PRDM2: variants seen among roughly 807,000 people sequenced by gnomAD.
The protein encoded by PRDM2 is PR domain zinc finger protein 2.
A neutral mutation model predicts 130.0 loss-of-function variants in PRDM2; 30 were observed. The ratio of observed to expected loss-of-function variants is 0.23; its 90% CI spans 0.17 to 0.31. PRDM2 has a LOEUF of 0.31. Ranked by LOEUF, PRDM2 falls within the 10% of genes least tolerant of loss-of-function variation. The pLI, the probability that PRDM2 is intolerant of heterozygous loss-of-function variation, is 1.00. For missense variants in PRDM2, 2,011 were observed against 2,108.4 expected (o/e 0.95, Z 0.90); for synonymous variants, 871 against 782.4 (o/e 1.11, Z -1.89).
intron 6 of PRDM2, among the ~76,000 whole-genome samples, chr1:13,754,219 A>C (rs1643897006): frequency 6.6e-6 from 1 of 152,194 alleles, no homozygotes; most frequent in Admixed American, 6.5e-5. Context: ...TCAGTTCTGC[A>C]AATGGACATA....
At chr1:13,750,646 C>A (rs1643800657) in intron 6 of PRDM2, among the ~76,000 whole-genome samples, 1 of 151,962 alleles carries the variant, frequency 6.6e-6, no homozygotes, top group Non-Finnish European at 1.5e-5. Flanking sequence ...AATTAATTCC[C>A]CCGTGAAACA....
At chr1:13,807,715 T>C (rs2100747384) in intron 8 of PRDM2, among the ~76,000 whole-genome samples, 1 of 152,336 alleles carries the variant, frequency 6.6e-6, no homozygotes, top group East Asian at 1.9e-4. Context: ...AATGCATCCT[T>C]GAGGCCAGGA....
Position 13,722,952 on chromosome 1 carries a change from C to T in PRDM2, c.9+7338C>T, listed in dbSNP as rs1012975063. ...AAGCCTCACCCCATCTCGTCACTCT[C>T]CTGCCCAAACCCTCTTGTGTCATCC... On this transcript the variant is annotated intron_variant, in intron 2 of 9. Transcript: ENST00000311066. 2.5e-5 allele frequency: 11 copies of T among 438,980 alleles called. No individual in the cohort carries two copies. The East Asian group carries it at 7.5e-4, about 30-fold the overall frequency. 27.2% of individuals were successfully genotyped at this position (438,980 alleles called of 1,614,324 possible).
chr1:13,755,563 T>C (rs1204157574), intron 6 of PRDM2, among the ~76,000 whole-genome samples: 3 of 152,220 alleles, frequency 2.0e-5, no homozygotes, highest in African/African-American at 7.2e-5. Flanking sequence ...AATCCACTTA[T>C]AATTTGAAAG....
intron 7 of PRDM2, among the ~76,000 whole-genome samples, chr1:13,775,364 G>A (rs971054168): frequency 3.3e-5 from 5 of 152,230 alleles, no homozygotes; most frequent in Non-Finnish European, 5.9e-5. Context: ...TAGAGTTGGC[G>A]TTTTCTGTTG....
At chr1:13,768,455 C>A (rs929870179) in intron 6 of PRDM2, among the ~76,000 whole-genome samples, 1 of 151,776 alleles carries the variant, frequency 6.6e-6, no homozygotes, top group Non-Finnish European at 1.5e-5. Flanking sequence ...TCTCGGCTCA[C>A]TGCAGTCTCC....
chr1:13,776,405 A>C (rs1252341384), intron 7 of PRDM2, among the ~76,000 whole-genome samples: 1 of 152,096 alleles, frequency 6.6e-6, no homozygotes, highest in East Asian at 1.9e-4. Flanking sequence ...AGCAAGTGGG[A>C]CTGTCGCGAC....
intron 8 of PRDM2, among the ~76,000 whole-genome samples, chr1:13,815,372 A>G (rs1296221952): frequency 2.6e-5 from 4 of 152,152 alleles, no homozygotes; most frequent in South Asian, 2.1e-4. Context: ...TCAGCCTCCC[A>G]AAGTGCTGGG....
chr1:13,799,615 C>T (rs1431498432), intron 8 of PRDM2, among the ~76,000 whole-genome samples: 2 of 152,164 alleles, frequency 1.3e-5, no homozygotes, highest in Non-Finnish European at 2.9e-5. Context: ...AATGCATGTT[C>T]TTCATTGCCT....
Position 13,780,902 on chromosome 1 carries a change from C to G in PRDM2, c.3107C>G (p.Pro1036Arg). ...TVSPSPSPIPPVEPLMSAASP... is the reference protein window; with the variant it reads ...TVSPSPSPIPRVEPLMSAASP... ...TCCCCCTCTCCCTCTCCCATTCCTC[C>G]CGTGGAGCCCCTGATGTCTGCCGCC... Residue 1036 changes from proline to arginine, a missense_variant, in exon 8 of 10, where the codon CCC becomes CGC. This residue lies in a region of PRDM2 where 1,288 missense variants were observed against 1,237.7 expected (regional missense o/e 1.04). Transcript: ENST00000311066. 6.2e-7 allele frequency: 1 copy of G among 1,613,420 alleles called. No homozygotes were observed.
At chr1:13,753,328 G>A (rs1016113468) in intron 6 of PRDM2, among the ~76,000 whole-genome samples, 46 of 152,306 alleles carry the variant, frequency 3.0e-4, no homozygotes, top group African/African-American at 1.1e-3. Context: ...GGTTCAGATA[G>A]TCCTTCCTAA....
At chr1:13,752,990 G>A (rs1025029529) in intron 6 of PRDM2, among the ~76,000 whole-genome samples, 1 of 152,178 alleles carries the variant, frequency 6.6e-6, no homozygotes, top group Non-Finnish European at 1.5e-5. Context: ...CATGGCTGGC[G>A]TTTACTTCCC....
intron 6 of PRDM2, among the ~76,000 whole-genome samples, chr1:13,763,583 G>A (rs1156931764): frequency 6.6e-6 from 1 of 152,208 alleles, no homozygotes. Flanking sequence ...TCTAGGCCAA[G>A]TACAAAGTAG....
chr1:13,701,746 T>C (rs925752112), intron 1 of PRDM2, among the ~76,000 whole-genome samples: 2 of 152,260 alleles, frequency 1.3e-5, no homozygotes, highest in African/African-American at 2.4e-5. Context: ...ACATTTTCTG[T>C]GATTCCAGGG....
rs148858839 is a variant in PRDM2 at position 13,727,551 on chromosome 1, C to T, written c.10-3449C>T. ...ATTACAGGCGTGAGCCACCACGCCT[C>T]GCGTTCCCCTCTTTTTTTTCATTCG... On this transcript the variant is annotated intron_variant, in intron 2 of 9. Transcript: ENST00000311066. Among the ~76,000 whole-genome samples, 12 of 152,272 alleles carry T rather than the reference C, an allele frequency of 7.9e-5. No homozygotes were observed. In the East Asian group the frequency reaches 1.9e-3, roughly 25 times the overall value.
At chr1:13,712,076 T>C (rs113228152) in intron 1 of PRDM2, among the ~76,000 whole-genome samples, 20,604 of 147,912 alleles carry the variant, frequency 0.14, 1,625 homozygotes, top group Admixed American at 0.25. Flanking sequence ...AAAAAAAAAT[T>C]AGCCAGGCAT....
intron 8 of PRDM2, among the ~76,000 whole-genome samples, chr1:13,811,295 T>C (rs572610960): frequency 1.8e-3 from 273 of 152,252 alleles, no homozygotes; most frequent in African/African-American, 6.4e-3. Context: ...GGCCTCTGGA[T>C]AAGTGAGGCA....
chr1:13,767,354 C>T (rs1644251580), intron 6 of PRDM2, among the ~76,000 whole-genome samples: 2 of 151,562 alleles, frequency 1.3e-5, no homozygotes, highest in South Asian at 4.2e-4. Flanking sequence ...TGCAGTGGCA[C>T]GATCATGGCT....
At chr1:13,729,176 C>T (rs1008206832) in intron 2 of PRDM2, among the ~76,000 whole-genome samples, 7 of 152,190 alleles carry the variant, frequency 4.6e-5, no homozygotes, top group African/African-American at 1.7e-4. Flanking sequence ...GCATGTAAGA[C>T]AGCACAGTGC....
Sources: allele counts gnomAD v4.1 joint callset (sites outside exome capture counted in the v4.1 genomes callset), GRCh38; gene constraint gnomAD v4.1.1; regional missense constraint gnomAD v4.1.1; transcripts MANE v1.5; gene names NCBI Gene and HGNC (gene_info 2026-07-23, HGNC 2026-07-21).